Variants in C11orf65 observed in about 807,000 individuals in gnomAD.
The protein encoded by C11orf65 is chromosome 11 open reading frame 65.
C11orf65 carries 38 observed loss-of-function variants against 35.3 expected under a neutral mutation model. The ratio of observed to expected loss-of-function variants is 1.08; its 90% CI spans 0.83 to 1.41. C11orf65 has a LOEUF of 1.41. C11orf65 is among the 40% of genes most tolerant of loss of function. The pLI is 0.00. For missense variants in C11orf65, 370 were observed against 367.1 expected, an observed-to-expected ratio of 1.01 and a Z score of -0.06; for synonymous variants, 105 against 114.4, an observed-to-expected ratio of 0.92 and a Z score of 0.53.
chr11:108,404,325 T>C (rs1040487787), intron 6 of C11orf65, among the ~76,000 whole-genome samples: 1 of 152,234 alleles, frequency 6.6e-6, no homozygotes, highest in African/African-American at 2.4e-5. Flanking sequence ...GTTTGACCAA[T>C]GGAATGCAAA....
intron 2 of C11orf65, chr11:108,335,429 T>C (rs1178151041): frequency 1.8e-6 from 1 of 570,532 alleles, no homozygotes; most frequent in Non-Finnish European, 2.8e-6. Context: ...ATAGTGCAAG[T>C]TGACGTCCTT....
chr11:108,320,951 A>T (rs1005734272), intron 6 of C11orf65, among the ~76,000 whole-genome samples: 2 of 152,240 alleles, frequency 1.3e-5, no homozygotes, highest in Non-Finnish European at 2.9e-5. Flanking sequence ...TGAAAATTAT[A>T]AGGAAGAGAA....
At chr11:108,331,804 A>G in intron 3 of C11orf65, 2 of 1,527,012 alleles carry the variant, frequency 1.3e-6, no homozygotes, top group South Asian at 1.1e-5. Context: ...ACACATTTTA[A>G]TGTTAAGCAA....
intron 2 of C11orf65, among the ~76,000 whole-genome samples, chr11:108,444,521 A>C (rs1207597430): frequency 6.6e-6 from 1 of 152,188 alleles, no homozygotes; most frequent in Non-Finnish European, 1.5e-5. Flanking sequence ...ACAAAAAAAG[A>C]GAATTTTAGA....
rs183166414 is a variant in C11orf65, at chr11:108,387,223, C to T, written c.732-1248G>A. ...AGGCTGGAGTGTGATGGCACGATCT[C>T]GGCTCACTGCAACCTTGGCCTCCTG... On this transcript the variant is annotated intron_variant, in intron 7 of 8. Coordinates refer to ENST00000393084, the MANE Select transcript of C11orf65 (RefSeq NM_152587.5). 2.3e-4 allele frequency among the ~76,000 whole-genome samples: 30 copies of T among 127,800 alleles called. 1 individual carries two copies. In the East Asian group the frequency reaches 5.0e-3, roughly 21 times the overall value. The allele number at this position is 127,800 out of a possible 152,430, so 83.8% of individuals were successfully genotyped here.
intron 6 of C11orf65, among the ~76,000 whole-genome samples, chr11:108,399,410 G>A (rs1341451753): frequency 3.3e-5 from 5 of 152,168 alleles, no homozygotes; most frequent in Non-Finnish European, 5.9e-5. Context: ...TTCAAATGAA[G>A]TGGAAAACCA....
intron 1 of C11orf65, among the ~76,000 whole-genome samples, chr11:108,466,116 G>A (rs185525176): frequency 1.3e-5 from 2 of 152,278 alleles, no homozygotes; most frequent in East Asian, 3.9e-4. Context: ...TAAGTTAAAT[G>A]GTAAAACCTT....
At chr11:108,329,513 CAATT>C (rs1471098222), downstream of C11orf65, among the ~76,000 whole-genome samples, 1 of 151,992 alleles carries the variant, frequency 6.6e-6, no homozygotes, top group Non-Finnish European at 1.5e-5. Flanking sequence ...CTCCTGGACT[CAATT>C]GATTCTCCCC....
At chr11:108,342,394 TAAA>T (rs1207724707) in intron 2 of C11orf65, among the ~76,000 whole-genome samples, 1 of 152,198 alleles carries the variant, frequency 6.6e-6, no homozygotes, top group Non-Finnish European at 1.5e-5. Context: ...TAGTATTGAA[TAAA>T]AAACCAAATT....
At chr11:108,390,158 G>C (rs928535952) in intron 7 of C11orf65, among the ~76,000 whole-genome samples, 1 of 151,888 alleles carries the variant, frequency 6.6e-6, no homozygotes, top group South Asian at 2.1e-4. Context: ...CTAGTAGCTG[G>C]GACTACAGGT....
chr11:108,342,433 A>G (rs922904359), intron 2 of C11orf65, among the ~76,000 whole-genome samples: 9 of 152,152 alleles, frequency 5.9e-5, no homozygotes, highest in Non-Finnish European at 1.2e-4. Context: ...TAGTATCCTA[A>G]TTTTTTTACT....
chr11:108,372,879 C>A (rs2091609838), intron 2 of C11orf65, among the ~76,000 whole-genome samples: 1 of 151,916 alleles, frequency 6.6e-6, no homozygotes, highest in Admixed American at 6.6e-5. Context: ...GATTTTGAGA[C>A]CCTGGCCAAT....
intron 6 of C11orf65, among the ~76,000 whole-genome samples, chr11:108,401,883 AG>A (rs932238951): frequency 6.6e-6 from 1 of 152,228 alleles, no homozygotes; most frequent in African/African-American, 2.4e-5. Context: ...CTAACTTAAC[AG>A]ACCATTAACA....
At chr11:108,316,222 G>T (rs1326911347) in intron 6 of C11orf65, 14 of 1,044,874 alleles carry the variant, frequency 1.3e-5, no homozygotes, top group Middle Eastern at 2.0e-4. Context: ...GATAAGACTA[G>T]AACTTATCTG....
At chr11:108,452,409 T>C (rs1034280580) in intron 2 of C11orf65, among the ~76,000 whole-genome samples, 2 of 152,166 alleles carry the variant, frequency 1.3e-5, no homozygotes, top group African/African-American at 2.4e-5. Flanking sequence ...ATGCTCATCA[T>C]CACTGGCCAT....
intron 3 of C11orf65, among the ~76,000 whole-genome samples, chr11:108,412,434 C>CT (rs1380515961): frequency 6.6e-6 from 1 of 151,986 alleles, no homozygotes; most frequent in African/African-American, 2.4e-5. Context: ...AGATCAGAGA[C>CT]TGTCAGAGCG....
At chr11:108,468,920 A>G (rs1288856516), upstream of C11orf65, among the ~76,000 whole-genome samples, 1 of 152,116 alleles carries the variant, frequency 6.6e-6, no homozygotes, top group Non-Finnish European at 1.5e-5. Flanking sequence ...CCTGGACAAC[A>G]TGGTGAAACC....
At chr11:108,439,942 A>C (rs1045099605) in intron 2 of C11orf65, among the ~76,000 whole-genome samples, 1 of 152,204 alleles carries the variant, frequency 6.6e-6, no homozygotes, top group African/African-American at 2.4e-5. Flanking sequence ...ACACCTAAAA[A>C]CGGTTAAACT....
intron 2 of C11orf65, among the ~76,000 whole-genome samples, chr11:108,377,215 G>A (rs967000168): frequency 2.0e-5 from 3 of 151,974 alleles, no homozygotes; most frequent in Non-Finnish European, 2.9e-5. Context: ...GATGAACATT[G>A]ATGCAAAAAT....
Sources: allele counts gnomAD v4.1 joint callset (sites outside exome capture counted in the v4.1 genomes callset), GRCh38; gene constraint gnomAD v4.1.1; transcripts MANE v1.5; gene names NCBI Gene and HGNC (gene_info 2026-07-23, HGNC 2026-07-21).